The following GLRA2 variants were observed in gnomAD, a reference collection of about 807,000 sequenced individuals.
GLRA2 encodes glycine receptor subunit alpha-2.
In GLRA2, 11 loss-of-function variants were observed where a neutral mutation model predicts 31.6. The observed-to-expected ratio is 0.35, with a 90% confidence interval of 0.22 to 0.58. GLRA2 has a LOEUF of 0.58. Ranked by LOEUF, GLRA2 falls within the 20% of genes least tolerant of loss-of-function variation. The probability of loss-of-function intolerance (pLI) is 0.84; values close to 1 mark genes in which losing one functional copy is unlikely to be tolerated. For synonymous variants in GLRA2, 132 were observed against 134.0 expected (o/e 0.99, Z 0.10); for missense variants, 212 against 351.8 (o/e 0.60, Z 3.18).
At chrX:14,567,317 T>C (rs1457542415) in intron 2 of GLRA2, among the ~76,000 whole-genome samples, 1 of 112,031 alleles carries the variant, frequency 8.9e-6, no homozygotes, top group Non-Finnish European at 1.9e-5. Context: ...TAAAGTAATA[T>C]ACCACATTAA....
intron 8 of GLRA2, among the ~76,000 whole-genome samples, chrX:14,691,326 CGCGCGT>C (rs1569523046): frequency 1.4e-5 from 1 of 69,149 alleles, no homozygotes; most frequent in Non-Finnish European, 2.9e-5. Context: ...TGTGTGTGTG[CGCGCGT>C]GCGTGCGTGT....
chrX:14,571,515 T>C lies in GLRA2; in HGVS notation c.203-2818T>C, dbSNP rs1296587830. 7.2e-5 allele frequency among the ~76,000 whole-genome samples: 8 copies of C among 111,799 alleles called. No homozygotes were observed. In the Admixed American group the frequency reaches 7.6e-4, roughly 11 times the overall value. Reference sequence around the variant, plus strand: ...ATTTTACCCCTGCAGTTAAGAAAAATATCCTTAAAGTTAGGCAATTTCTGC... The same window carrying C: ...ATTTTACCCCTGCAGTTAAGAAAAACATCCTTAAAGTTAGGCAATTTCTGC... On this transcript the variant is annotated intron_variant, in intron 2 of 8. Transcript: ENST00000218075.
intron 7 of GLRA2, among the ~76,000 whole-genome samples, chrX:14,644,653 G>C (rs894866304): frequency 9.0e-6 from 1 of 111,622 alleles, no homozygotes; most frequent in Admixed American, 9.5e-5. Flanking sequence ...TAAGATTTTA[G>C]AGAATGGATT....
At chrX:14,580,657 A>T (rs1446947915) in intron 3 of GLRA2, among the ~76,000 whole-genome samples, 1 of 112,283 alleles carries the variant, frequency 8.9e-6, no homozygotes, top group Non-Finnish European at 1.9e-5. Context: ...TTTTGTCAAC[A>T]TGAAAGATCT....
At chrX:14,487,390 A>T in the GLRA2 span, among the ~76,000 whole-genome samples, 1 of 92,380 alleles carries the variant, frequency 1.1e-5, no homozygotes, top group South Asian at 4.4e-4. Context: ...TTTTCTGTAA[A>T]AAAAAAAAAA....
intron 8 of GLRA2, among the ~76,000 whole-genome samples, chrX:14,717,738 A>G (rs746712661): frequency 2.1e-5 from 2 of 96,341 alleles, no homozygotes; most frequent in Non-Finnish European, 4.3e-5. Flanking sequence ...CCTTCTGTAA[A>G]GTAAAAAAAA....
chrX:14,502,904 A>G, the GLRA2 span, among the ~76,000 whole-genome samples: 1 of 106,635 alleles, frequency 9.4e-6, no homozygotes, highest in Non-Finnish European at 1.9e-5. Context: ...AAAAAAAACC[A>G]TGGCAGTAAA....
the GLRA2 span, among the ~76,000 whole-genome samples, chrX:14,502,651 T>C: frequency 9.0e-6 from 1 of 111,325 alleles, no homozygotes; most frequent in South Asian, 3.8e-4. Context: ...ATATATAACT[T>C]TGTTTTATGT....
At chrX:14,705,708 T>G (rs1470221274) in intron 8 of GLRA2, among the ~76,000 whole-genome samples, 1 of 112,318 alleles carries the variant, frequency 8.9e-6, no homozygotes, top group African/African-American at 3.2e-5. Context: ...ACTCTTTTAC[T>G]CTACATAAAG....
At chrX:14,490,457 A>T in the GLRA2 span, among the ~76,000 whole-genome samples, 1 of 112,469 alleles carries the variant, frequency 8.9e-6, no homozygotes, top group Admixed American at 9.4e-5. Context: ...GTTTAAAAAT[A>T]GTACAATCTG....
At chrX:14,538,793 G>T (rs1034082436) in intron 2 of GLRA2, among the ~76,000 whole-genome samples, 7 of 111,604 alleles carry the variant, frequency 6.3e-5, no homozygotes, top group Non-Finnish European at 1.9e-5. Flanking sequence ...TTCTTGTCCA[G>T]TTACTATAGT....
the GLRA2 span, among the ~76,000 whole-genome samples, chrX:14,491,330 G>A: frequency 1.8e-5 from 2 of 111,152 alleles, no homozygotes; most frequent in Non-Finnish European, 3.8e-5. Flanking sequence ...CCACATACTC[G>A]CCTATAAACT....
intron 8 of GLRA2, among the ~76,000 whole-genome samples, chrX:14,714,305 G>A (rs1163698120): frequency 9.0e-6 from 1 of 111,159 alleles, no homozygotes; most frequent in African/African-American, 3.3e-5. Flanking sequence ...TTCAGGGGCG[G>A]GGTGCTACTG....
intron 8 of GLRA2, among the ~76,000 whole-genome samples, chrX:14,696,489 C>T (rs1024590998): frequency 1.3e-4 from 14 of 111,470 alleles, no homozygotes; most frequent in African/African-American, 4.2e-4. Flanking sequence ...ATTGGAAGGC[C>T]GAGGATGGGG....
At chrX:14,464,498 T>C in the GLRA2 span, among the ~76,000 whole-genome samples, 5 of 111,444 alleles carry the variant, frequency 4.5e-5, no homozygotes, top group East Asian at 1.1e-3. Context: ...TGTAGATAGA[T>C]GGATGAATTT....
chrX:14,625,827 G>A (rs1423029930), intron 7 of GLRA2, among the ~76,000 whole-genome samples: 2 of 111,458 alleles, frequency 1.8e-5, no homozygotes, highest in African/African-American at 6.5e-5. Flanking sequence ...TTTTCACTAT[G>A]TTTACTATGT....
intron 4 of GLRA2, among the ~76,000 whole-genome samples, chrX:14,596,984 T>G (rs2090213542): frequency 9.0e-6 from 1 of 111,668 alleles, no homozygotes; most frequent in African/African-American, 3.3e-5. Context: ...TTTCCTAATC[T>G]TCCCTCCCTC....
intron 2 of GLRA2, among the ~76,000 whole-genome samples, chrX:14,567,769 C>T (rs1172686711): frequency 1.8e-5 from 2 of 112,260 alleles, no homozygotes; most frequent in Middle Eastern, 4.6e-3. Flanking sequence ...CTAATAAATT[C>T]AGTGAAGTTG....
chrX:14,470,420 T>C, the GLRA2 span, among the ~76,000 whole-genome samples: 1 of 111,958 alleles, frequency 8.9e-6, no homozygotes, highest in African/African-American at 3.2e-5. Context: ...GCATAATTTA[T>C]GATGATTATA....
Sources: allele counts gnomAD v4.1 joint callset (sites outside exome capture counted in the v4.1 genomes callset), GRCh38; gene constraint gnomAD v4.1.1; transcripts MANE v1.5; gene names NCBI Gene and HGNC (gene_info 2026-07-23, HGNC 2026-07-21).